Variants in CHRM3 observed in about 807,000 individuals in gnomAD.
The protein encoded by CHRM3 is muscarinic acetylcholine receptor M3.
A neutral mutation model predicts 41.8 loss-of-function variants in CHRM3; 11 were observed. That is an observed-to-expected ratio of 0.26 (90% CI 0.17 to 0.44). CHRM3 has a LOEUF of 0.44. CHRM3 is among the 20% of genes least tolerant of loss of function. The probability of loss-of-function intolerance (pLI) is 1.00; values close to 1 mark genes in which losing one functional copy is unlikely to be tolerated. For missense variants in CHRM3, 571 were observed against 745.4 expected (o/e 0.77, Z 2.72); for synonymous variants, 297 against 301.4 (o/e 0.99, Z 0.15).
intron 5 of CHRM3, among the ~76,000 whole-genome samples, chr1:239,713,329 T>C (rs1662001650): frequency 6.6e-6 from 1 of 152,212 alleles, no homozygotes; most frequent in Non-Finnish European, 1.5e-5. Context: ...CTATTTGCTC[T>C]GTAATTATAC....
intron 6 of CHRM3, among the ~76,000 whole-genome samples, chr1:239,856,378 A>T (rs541043296): frequency 1.7e-4 from 26 of 152,182 alleles, no homozygotes; most frequent in African/African-American, 6.0e-4. Context: ...CTGTCTCATG[A>T]GTGAGTTCTC....
intron 5 of CHRM3, among the ~76,000 whole-genome samples, chr1:239,734,405 T>C (rs1155612): frequency 0.51 from 77,475 of 151,838 alleles, 20,012 homozygotes; most frequent in Admixed American, 0.56. Flanking sequence ...AATTGAAACA[T>C]ATTAAGTGTG....
intron 2 of CHRM3, among the ~76,000 whole-genome samples, chr1:239,517,058 T>C (rs529320049): frequency 2.0e-5 from 3 of 152,234 alleles, no homozygotes; most frequent in East Asian, 1.9e-4. Context: ...TATAATACAA[T>C]AATAATAGAA....
intron 6 of CHRM3, among the ~76,000 whole-genome samples, chr1:239,883,404 GC>G (rs1677807124): frequency 6.6e-6 from 1 of 152,136 alleles, no homozygotes; most frequent in Non-Finnish European, 1.5e-5. Flanking sequence ...GCTTTTTGAA[GC>G]TTTTTCTAGT....
chr1:239,627,872 G>C (rs533347117), intron 3 of CHRM3, among the ~76,000 whole-genome samples: 1 of 150,954 alleles, frequency 6.6e-6, no homozygotes, highest in Non-Finnish European at 1.5e-5. Flanking sequence ...CGAGAGATCC[G>C]CTGTTAGTCT....
chr1:239,662,884 T>TTTCTCCTCTTCC (rs1673348741), intron 4 of CHRM3, among the ~76,000 whole-genome samples: 4 of 119,488 alleles, frequency 3.3e-5, no homozygotes, highest in East Asian at 2.5e-4. Flanking sequence ...CTTTCTCCTC[T>TTTCTCCTCTTCC]TCCTCCTCCT....
At chr1:239,491,153 G>A (rs771049606) in intron 1 of CHRM3, among the ~76,000 whole-genome samples, 2 of 152,128 alleles carry the variant, frequency 1.3e-5, no homozygotes, top group Admixed American at 6.6e-5. Flanking sequence ...GTCCACATTA[G>A]CATTTCCATC....
intron 6 of CHRM3, among the ~76,000 whole-genome samples, chr1:239,852,613 T>G (rs528769600): frequency 6.6e-6 from 1 of 152,260 alleles, no homozygotes; most frequent in East Asian, 1.9e-4. Context: ...AATAAATTCT[T>G]CAGGAAATAA....
Position 239,484,290 on chromosome 1 carries a change from A to T in CHRM3, c.-520-8419A>T, listed in dbSNP as rs145413072. Among the ~76,000 whole-genome samples the T allele has an allele frequency of 3.3e-5, 5 of 152,266 alleles. No homozygotes were observed. In the East Asian group the frequency reaches 9.7e-4, roughly 29 times the overall value. Reference sequence around the variant, plus strand: ...CATACCACTTGGTGACAGCAGGAGCAAGAGAGAGAGGAGGTGCCATACTCT... The same window carrying T: ...CATACCACTTGGTGACAGCAGGAGCTAGAGAGAGAGGAGGTGCCATACTCT... On this transcript the variant is annotated intron_variant, in intron 1 of 6. Transcript: ENST00000676153.
At chr1:239,733,127 C>A (rs1664101841) in intron 5 of CHRM3, among the ~76,000 whole-genome samples, 1 of 152,008 alleles carries the variant, frequency 6.6e-6, no homozygotes, top group Non-Finnish European at 1.5e-5. Flanking sequence ...ATCCTTTTGT[C>A]TTCTGTTTCT....
At chr1:239,438,188 A>G (rs1558224211) in intron 1 of CHRM3, among the ~76,000 whole-genome samples, 1 of 152,224 alleles carries the variant, frequency 6.6e-6, no homozygotes, top group Non-Finnish European at 1.5e-5. Flanking sequence ...GTACATTTAC[A>G]TTTATTTCCA....
In CHRM3 at chr1:239,907,953, T is replaced by C. The variant is rs1680101823; in HGVS notation, c.502T>C (p.Phe168Leu). The change falls in exon 7 of 7, where the codon TTT (phenylalanine) becomes CTT (leucine). Residue 168 changes from phenylalanine to leucine, a missense_variant. Physicochemically the swap from Phe to Leu is conservative, Grantham distance 22. This residue lies in a region of CHRM3 where 153 missense variants were observed against 296.3 expected (regional missense o/e 0.52). Coordinates refer to ENST00000676153, the MANE Select transcript of CHRM3 (RefSeq NM_001375978.1). This position sits in a 1 kb window ranked among gnomAD's most constrained non-coding sequence, Gnocchi z 5.4. ...NLLVISFDRYFSITRPLTYRA... is the reference protein window; with the variant it reads ...NLLVISFDRYLSITRPLTYRA... The stretch of plus-strand genomic sequence containing the variant: ...TCTGGTCATCAGCTTTGACAGATAC[T>C]TTTCCATCACGAGGCCGCTCACGTA... The C allele has an allele frequency of 6.2e-7, 1 of 1,614,088 alleles. No homozygotes were observed. Among genetic ancestry groups the C allele is most frequent in the Admixed American group, 1.7e-5 (1 of 60,010 alleles).
In CHRM3 at chr1:239,872,859, C is replaced by T. The variant is rs572821588; in HGVS notation, c.-19-34574C>T. 1.1e-4 allele frequency among the ~76,000 whole-genome samples: 17 copies of T among 152,184 alleles called. No individual in the cohort carries two copies. In the South Asian group the frequency reaches 3.1e-3, roughly 28 times the overall value. On this transcript the variant is annotated intron_variant, in intron 6 of 6. Transcript: ENST00000676153. ...CTCAATCCCTCAGAGCATAAAGCCACCTGCACAAAAAAACAGTGTTTTAGT... is the reference window on the plus strand; with the variant it reads ...CTCAATCCCTCAGAGCATAAAGCCATCTGCACAAAAAAACAGTGTTTTAGT...
At chr1:239,876,462 C>T (rs780783829) in intron 6 of CHRM3, among the ~76,000 whole-genome samples, 11 of 152,166 alleles carry the variant, frequency 7.2e-5, no homozygotes, top group African/African-American at 1.4e-4. Context: ...CTAACTGGAA[C>T]GTGGAAAGCC....
chr1:239,592,096 G>T (rs1191816156), intron 3 of CHRM3, among the ~76,000 whole-genome samples: 1 of 152,142 alleles, frequency 6.6e-6, no homozygotes, highest in Non-Finnish European at 1.5e-5. Flanking sequence ...ATTGCTTTCT[G>T]TAAGAGGAGC....
intron 5 of CHRM3, among the ~76,000 whole-genome samples, chr1:239,747,202 T>C (rs969223334): frequency 6.6e-6 from 1 of 152,252 alleles, no homozygotes. Context: ...AACTGATTTC[T>C]AGTATTATTT....
chr1:239,740,015 C>T (rs1418238440), intron 5 of CHRM3, among the ~76,000 whole-genome samples: 4 of 152,022 alleles, frequency 2.6e-5, no homozygotes, highest in African/African-American at 9.7e-5. Flanking sequence ...GCTTTGGAGT[C>T]AGAAGAGTGA....
At chr1:239,890,402 A>G (rs1678453816) in intron 6 of CHRM3, among the ~76,000 whole-genome samples, 1 of 152,134 alleles carries the variant, frequency 6.6e-6, no homozygotes, top group Non-Finnish European at 1.5e-5. Context: ...TTTGGCATAC[A>G]CAGTCCATTT....
At position 239,909,895 on chromosome 1, in the gene CHRM3, G is replaced by A. The variant is rs907678740; in HGVS notation, c.*671G>A. 6.0e-6 allele frequency: 1 copy of A among 167,032 alleles called. No individual in the cohort carries two copies. Among genetic ancestry groups the A allele is most frequent in the Admixed American group, 6.5e-5 (1 of 15,280 alleles). The allele number at this position is 167,032 out of a possible 1,614,324, so 10.3% of individuals were successfully genotyped here. ...ACACATAGTGTATATAATATCATGG[G>A]AAACACTGAACTGGCAAATTATTCC... is the stretch of plus-strand genomic sequence containing the variant. On this transcript the variant is annotated 3_prime_UTR_variant, in exon 7 of 7. Coordinates refer to ENST00000676153, the MANE Select transcript of CHRM3 (RefSeq NM_001375978.1).
Sources: allele counts gnomAD v4.1 joint callset (sites outside exome capture counted in the v4.1 genomes callset), GRCh38; gene constraint gnomAD v4.1.1; regional missense constraint gnomAD v4.1.1; non-coding constraint Gnocchi (gnomAD v3.1); transcripts MANE v1.5; gene names NCBI Gene and HGNC (gene_info 2026-07-23, HGNC 2026-07-21).